EPHA3: variants seen among roughly 807,000 people sequenced by gnomAD.
EPHA3 encodes the protein ephrin type-A receptor 3.
A neutral mutation model predicts 107.1 loss-of-function variants in EPHA3; 42 were observed. The ratio of observed to expected loss-of-function variants is 0.39; its 90% CI spans 0.31 to 0.51. The LOEUF (loss-of-function observed/expected upper bound fraction) is 0.51, where lower values mean the gene tolerates loss of function less well. Among genes scored for constraint, EPHA3 ranks in the 20% least tolerant of loss-of-function variants. The probability of loss-of-function intolerance (pLI) is 0.78; values close to 1 mark genes in which losing one functional copy is unlikely to be tolerated. For missense variants in EPHA3, 1,183 were observed against 1,211.2 expected, an observed-to-expected ratio of 0.98 and a Z score of 0.35; for synonymous variants, 461 against 424.8, an observed-to-expected ratio of 1.09 and a Z score of -1.05.
intron 3 of EPHA3, among the ~76,000 whole-genome samples, chr3:89,258,892 C>T (rs1576271265): frequency 6.6e-6 from 1 of 152,090 alleles, no homozygotes; most frequent in Middle Eastern, 3.4e-3. Context: ...GTGGTATCTC[C>T]ATAAACCTGT....
intron 2 of EPHA3, among the ~76,000 whole-genome samples, chr3:89,174,497 C>A (rs187877657): frequency 4.8e-4 from 73 of 152,022 alleles, no homozygotes; most frequent in Non-Finnish European, 8.1e-4. Flanking sequence ...GCAGCATGTG[C>A]ATTTACATAA....
chr3:89,128,194 T>C (rs1219935724), intron 2 of EPHA3, among the ~76,000 whole-genome samples: 1 of 152,126 alleles, frequency 6.6e-6, no homozygotes, highest in Non-Finnish European at 1.5e-5. Context: ...TGTGCCTAAA[T>C]ATACACAATT....
intron 3 of EPHA3, among the ~76,000 whole-genome samples, chr3:89,216,945 T>C (rs1015765398): frequency 1.3e-5 from 2 of 152,148 alleles, no homozygotes; most frequent in African/African-American, 4.8e-5. Flanking sequence ...TAGATCTTTT[T>C]TTCCCTCCTG....
chr3:89,135,019 A>G (rs1423271391), intron 2 of EPHA3, among the ~76,000 whole-genome samples: 1 of 152,230 alleles, frequency 6.6e-6, no homozygotes, highest in African/African-American at 2.4e-5. Context: ...GCAAATTTCA[A>G]CAATGCAAAC....
intron 3 of EPHA3, among the ~76,000 whole-genome samples, chr3:89,230,304 A>G (rs773601481): frequency 1.3e-5 from 2 of 152,110 alleles, no homozygotes; most frequent in Non-Finnish European, 2.9e-5. Context: ...GCCTAGGTGT[A>G]TCATCTCCAT....
At chr3:89,152,903 C>T (rs1376791585) in intron 2 of EPHA3, among the ~76,000 whole-genome samples, 1 of 151,974 alleles carries the variant, frequency 6.6e-6, no homozygotes, top group African/African-American at 2.4e-5. Context: ...AGAAAAATCA[C>T]CCAAGGCTCA....
intron 3 of EPHA3, among the ~76,000 whole-genome samples, chr3:89,278,904 A>G (rs1705874288): frequency 6.6e-6 from 1 of 152,198 alleles, no homozygotes; most frequent in Non-Finnish European, 1.5e-5. Flanking sequence ...TGTTGAGCTC[A>G]TATTTAAGGG....
intron 16 of EPHA3, among the ~76,000 whole-genome samples, chr3:89,474,924 A>G (rs910778604): frequency 6.6e-6 from 1 of 152,160 alleles, no homozygotes; most frequent in Non-Finnish European, 1.5e-5. Flanking sequence ...TTCCTGAAAG[A>G]CAGCTTTTTC....
At chr3:89,211,731 CTTCTTCTTCTCCTTCTTCTTCTTCTTCTT>C in intron 3 of EPHA3, among the ~76,000 whole-genome samples, 3 of 10,322 alleles carry the variant, frequency 2.9e-4, no homozygotes, top group Admixed American at 1.5e-3. Flanking sequence ...TCTTTTTCTT[CTTCTTCTTCTCCTTCTTCTTCTTCTTCTT>C]CTTCTTCTTC....
chr3:89,302,078 A>G (rs1706504998), intron 3 of EPHA3, among the ~76,000 whole-genome samples: 1 of 152,202 alleles, frequency 6.6e-6, no homozygotes, highest in African/African-American at 2.4e-5. Flanking sequence ...ATAAATAAAT[A>G]AAATAATGTT....
chr3:89,216,290 C>T (rs1329751218), intron 3 of EPHA3, among the ~76,000 whole-genome samples: 1 of 151,956 alleles, frequency 6.6e-6, no homozygotes, highest in Non-Finnish European at 1.5e-5. Context: ...TCCATCATTT[C>T]ATTTTCAGTT....
intron 15 of EPHA3, among the ~76,000 whole-genome samples, chr3:89,469,814 T>C (rs1180930824): frequency 6.6e-6 from 1 of 152,182 alleles, no homozygotes; most frequent in Non-Finnish European, 1.5e-5. Flanking sequence ...CCTAAATTTA[T>C]GTCTAAAATA....
intron 16 of EPHA3, among the ~76,000 whole-genome samples, chr3:89,475,967 G>T (rs1436864394): frequency 6.6e-6 from 1 of 152,026 alleles, no homozygotes; most frequent in African/African-American, 2.4e-5. Context: ...GGCAAGAATA[G>T]AGAGACTAGA....
chr3:89,260,386 G>A (rs1386952162), intron 3 of EPHA3, among the ~76,000 whole-genome samples: 1 of 152,126 alleles, frequency 6.6e-6, no homozygotes, highest in African/African-American at 2.4e-5. Context: ...TATTGGGTAT[G>A]AAGTGATATC....
At chr3:89,443,619 C>T (rs1709824180) in intron 13 of EPHA3, among the ~76,000 whole-genome samples, 2 of 152,192 alleles carry the variant, frequency 1.3e-5, no homozygotes, top group Admixed American at 6.5e-5. Flanking sequence ...TTTCCCAGGT[C>T]CACAAAATAA....
chr3:89,281,004 A>ATTTT (rs71105126), intron 3 of EPHA3, among the ~76,000 whole-genome samples: 4,325 of 147,336 alleles, frequency 0.029, 97 homozygotes, highest in East Asian at 0.093. Context: ...CAAGATTTTT[A>ATTTT]TTATTTATTT....
chr3:89,399,607 A>T, intron 7 of EPHA3, 127 bp downstream of exon 7: 2 of 1,413,436 alleles, frequency 1.4e-6, no homozygotes, highest in Non-Finnish European at 1.9e-6. Context: ...TGCTTGGGAC[A>T]TTGCAATTTG....
In EPHA3 at chr3:89,229,147, G is replaced by C. The variant is rs116461452; in HGVS notation, c.814+18627G>C. ...TAAACAAAAGGAAATTTTAAAATGT[G>C]TTAAGAGTGTGAATGAATGTGAATC... On this transcript the variant is annotated intron_variant, in intron 3 of 16. Coordinates refer to ENST00000336596, the MANE Select transcript of EPHA3 (RefSeq NM_005233.6). Among the ~76,000 whole-genome samples the C allele has an allele frequency of 7.6e-3, 1,163 of 152,032 alleles. 11 individuals are homozygous for C. The highest frequency in any genetic ancestry group is 0.026 in the African/African-American group (1,100 of 41,510).
At chr3:89,183,760 A>T (rs754421463) in intron 2 of EPHA3, among the ~76,000 whole-genome samples, 2 of 151,934 alleles carry the variant, frequency 1.3e-5, no homozygotes, top group Non-Finnish European at 2.9e-5. Flanking sequence ...ACTTTGTTTA[A>T]TGGCTCAAGA....
Sources: allele counts gnomAD v4.1 joint callset (sites outside exome capture counted in the v4.1 genomes callset), GRCh38; gene constraint gnomAD v4.1.1; transcripts MANE v1.5; gene names NCBI Gene and HGNC (gene_info 2026-07-23, HGNC 2026-07-21).